Variants in CAPZB observed in about 807,000 individuals in gnomAD.
The protein encoded by CAPZB is capping actin protein of muscle Z-line subunit beta.
In CAPZB, 2 loss-of-function variants were observed where a neutral mutation model predicts 38.1. The observed-to-expected ratio is 0.05, with a 90% confidence interval of 0.02 to 0.17. The LOEUF (loss-of-function observed/expected upper bound fraction) is 0.17. CAPZB is among the 10% of genes least tolerant of loss of function. CAPZB has a pLI of 1.00. For missense variants in CAPZB, 161 were observed against 334.2 expected (o/e 0.48, Z 4.04); for synonymous variants, 107 against 127.4 (o/e 0.84, Z 1.08).
intron 1 of CAPZB, among the ~76,000 whole-genome samples, chr1:19,422,969 G>T (rs962956614): frequency 3.3e-5 from 5 of 152,152 alleles, no homozygotes; most frequent in Non-Finnish European, 1.5e-5. Context: ...AGAAGCTCAA[G>T]GTGAAAGACA....
At chr1:19,458,684 T>G (rs549069255) in intron 1 of CAPZB, among the ~76,000 whole-genome samples, 16 of 152,350 alleles carry the variant, frequency 1.1e-4, no homozygotes, top group Non-Finnish European at 2.1e-4. Context: ...CTTTAGATGT[T>G]CACAGTATCT....
At chr1:19,448,585 G>C (rs1254229426) in intron 1 of CAPZB, among the ~76,000 whole-genome samples, 1 of 152,146 alleles carries the variant, frequency 6.6e-6, no homozygotes, top group Non-Finnish European at 1.5e-5. Flanking sequence ...AATGCTGTAG[G>C]GGTTTTTTCT....
At chr1:19,373,239 C>G (rs2094128042) in intron 4 of CAPZB, among the ~76,000 whole-genome samples, 1 of 152,148 alleles carries the variant, frequency 6.6e-6, no homozygotes. Flanking sequence ...GCTCAGCCCC[C>G]TGCACCCCTA....
chr1:19,379,153 C>CA (rs1358817978), intron 3 of CAPZB, among the ~76,000 whole-genome samples: 1 of 147,062 alleles, frequency 6.8e-6, no homozygotes. Flanking sequence ...GGCTGGAGTG[C>CA]AGTGGCGTGA....
At chr1:19,433,313 A>C (rs1252387050) in intron 1 of CAPZB, among the ~76,000 whole-genome samples, 1 of 152,262 alleles carries the variant, frequency 6.6e-6, no homozygotes, top group Non-Finnish European at 1.5e-5. Flanking sequence ...GTGGAAGCTG[A>C]GTAAAGCAGG....
At chr1:19,392,715 C>T (rs868069363) in intron 2 of CAPZB, among the ~76,000 whole-genome samples, 12 of 152,030 alleles carry the variant, frequency 7.9e-5, no homozygotes, top group Admixed American at 3.9e-4. Flanking sequence ...TGTTTGAACC[C>T]GGGAAGTCGA....
At chr1:19,455,673 A>T (rs1471433587) in intron 1 of CAPZB, among the ~76,000 whole-genome samples, 1 of 152,160 alleles carries the variant, frequency 6.6e-6, no homozygotes, top group Admixed American at 6.5e-5. Context: ...CTTGATAAAA[A>T]TCACTGAGGA....
intron 1 of CAPZB, among the ~76,000 whole-genome samples, chr1:19,438,463 C>T (rs1417078513): frequency 6.6e-6 from 1 of 152,160 alleles, no homozygotes; most frequent in East Asian, 1.9e-4. Context: ...TGAGAAAATT[C>T]AATTAAGAAA....
chr1:19,470,402 GA>G (rs2094583072), intron 1 of CAPZB, among the ~76,000 whole-genome samples: 1 of 152,112 alleles, frequency 6.6e-6, no homozygotes, highest in Non-Finnish European at 1.5e-5. Flanking sequence ...ATTTCTTCTT[GA>G]ACTCAGGCCA....
intron 2 of CAPZB, among the ~76,000 whole-genome samples, chr1:19,407,442 A>C (rs2100411245): frequency 6.6e-6 from 1 of 152,226 alleles, no homozygotes; most frequent in East Asian, 1.9e-4. Flanking sequence ...GCTGGGGAAA[A>C]GGGTACCTGG....
At chr1:19,436,122 A>G (rs987396952) in intron 1 of CAPZB, among the ~76,000 whole-genome samples, 1 of 152,214 alleles carries the variant, frequency 6.6e-6, no homozygotes, top group Non-Finnish European at 1.5e-5. Context: ...TGGCAGTTTC[A>G]GTTACCTGTG....
chr1:19,468,818 G>T (rs898305713), intron 1 of CAPZB, among the ~76,000 whole-genome samples: 10 of 152,012 alleles, frequency 6.6e-5, no homozygotes, highest in Non-Finnish European at 1.5e-4. Flanking sequence ...CCATGTCTCT[G>T]GGCCCACCTC....
rs548998466 is a variant in CAPZB, at chr1:19,459,788, C to T, written c.3+25648G>A. ...TGAACAATTCAGAAGTTCAAAATTT[C>T]CCACGGCTCTGAGTAGCATGATGAC... On this transcript the variant is annotated intron_variant, in intron 1 of 8. Transcript: ENST00000264202. Among the ~76,000 whole-genome samples, 7 of 152,196 alleles carry T rather than the reference C, an allele frequency of 4.6e-5. No homozygotes were observed. In the South Asian group the frequency reaches 1.2e-3, roughly 27 times the overall value.
chr1:19,339,715 C>T, intron 8 of CAPZB, 98 bp from the exon 9 acceptor site: 1 of 905,004 alleles, frequency 1.1e-6, no homozygotes, highest in Non-Finnish European at 1.9e-6. Context: ...TGATTTGCTG[C>T]ATGGACCCGC....
intron 1 of CAPZB, among the ~76,000 whole-genome samples, chr1:19,462,449 C>A (rs2100744503): frequency 6.7e-6 from 1 of 148,480 alleles, no homozygotes; most frequent in East Asian, 2.0e-4. Flanking sequence ...CAGAGTGAGA[C>A]TCCGTCTCAA....
chr1:19,377,227 G>A (rs541248862), intron 4 of CAPZB, among the ~76,000 whole-genome samples: 7 of 152,318 alleles, frequency 4.6e-5, no homozygotes, highest in South Asian at 2.1e-4. Flanking sequence ...CACTGGGGAA[G>A]GAACTATTCT....
At position 19,485,420 on chromosome 1, in the gene CAPZB, G is replaced by C; in HGVS notation, c.3+16C>G. 1 of 1,229,022 alleles carries C rather than the reference G, an allele frequency of 8.1e-7. No individual in the cohort carries two copies. The highest frequency in any genetic ancestry group is 1.0e-6 in the Non-Finnish European group (1 of 986,076). 76.1% of individuals were successfully genotyped at this position (1,229,022 alleles called of 1,614,324 possible). On this transcript the variant is annotated intron_variant, in intron 1 of 8. Coordinates refer to ENST00000264202, the MANE Select transcript of CAPZB (RefSeq NM_004930.5). Reference sequence around the variant, plus strand: ...GAGGGGCCCCCGGGCCGGGGAGGGGGCCGTGCGGCCTTTACCATGGTGGCG... The same window carrying C: ...GAGGGGCCCCCGGGCCGGGGAGGGGCCCGTGCGGCCTTTACCATGGTGGCG...
At position 19,383,446 on chromosome 1, in the gene CAPZB, CAAAA is replaced by C. The variant is rs528617668; in HGVS notation, c.215+2055_215+2058del. On this transcript the variant is annotated intron_variant, in intron 3 of 8. Coordinates refer to ENST00000264202, the MANE Select transcript of CAPZB (RefSeq NM_004930.5). ...TGGACAACAGAGTGAGACTCTGTCT[CAAAA>C]AAAAAAAAAAAAAAAATTAGCTGGG... Among the ~76,000 whole-genome samples the C allele has an allele frequency of 3.5e-3, 410 of 118,046 alleles. 6 individuals are homozygous for C. The highest frequency in any genetic ancestry group is 0.012 in the African/African-American group (356 of 30,026). 77.4% of individuals were successfully genotyped at this position (118,046 alleles called of 152,430 possible).
chr1:19,400,371 C>G (rs1188691141), intron 2 of CAPZB, among the ~76,000 whole-genome samples: 2 of 152,226 alleles, frequency 1.3e-5, no homozygotes, highest in Admixed American at 1.3e-4. Flanking sequence ...GGCCCACATT[C>G]CTGGCCTATT....
Sources: allele counts gnomAD v4.1 joint callset (sites outside exome capture counted in the v4.1 genomes callset), GRCh38; gene constraint gnomAD v4.1.1; transcripts MANE v1.5; gene names NCBI Gene and HGNC (gene_info 2026-07-23, HGNC 2026-07-21).